The following RBM20 variants were observed in gnomAD, a reference collection of about 807,000 sequenced individuals.
RBM20 encodes RNA-binding protein 20.
RBM20 carries 51 observed loss-of-function variants against 110.1 expected under a neutral mutation model. The ratio of observed to expected loss-of-function variants is 0.46; its 90% confidence interval spans 0.37 to 0.59. The LOEUF (loss-of-function observed/expected upper bound fraction) is 0.59. Among genes scored for constraint, RBM20 ranks in the 20% least tolerant of loss-of-function variants. The pLI, the probability that RBM20 is intolerant of heterozygous loss-of-function variation, is 0.00. For missense variants in RBM20, 1,512 were observed against 1,574.9 expected (o/e 0.96, Z 0.68); for synonymous variants, 589 against 618.2 (o/e 0.95, Z 0.70).
intron 7 of RBM20, among the ~76,000 whole-genome samples, chr10:110,801,791 C>T (rs574997869): frequency 1.2e-4 from 18 of 151,286 alleles, no homozygotes; most frequent in South Asian, 4.2e-4. Flanking sequence ...ATGATCTGCC[C>T]GCCTCAGCCT....
At chr10:110,789,102 T>C (rs535239432) in intron 5 of RBM20, among the ~76,000 whole-genome samples, 21 of 152,354 alleles carry the variant, frequency 1.4e-4, no homozygotes, top group African/African-American at 4.8e-4. Flanking sequence ...AAACACTTTT[T>C]TTTGAGTAAA....
At chr10:110,806,538 T>C (rs1844697920) in intron 7 of RBM20, among the ~76,000 whole-genome samples, 1 of 152,066 alleles carries the variant, frequency 6.6e-6, no homozygotes, top group African/African-American at 2.4e-5. Flanking sequence ...TGCTAAACCA[T>C]TAAAAACCAC....
chr10:110,703,662 T>G (rs1422472830), intron 1 of RBM20, among the ~76,000 whole-genome samples: 2 of 152,224 alleles, frequency 1.3e-5, no homozygotes, highest in African/African-American at 4.8e-5. Context: ...AGGTTCATGT[T>G]TCCAGCACTA....
chr10:110,803,086 T>C (rs922772375), intron 7 of RBM20, among the ~76,000 whole-genome samples: 9 of 151,660 alleles, frequency 5.9e-5, no homozygotes, highest in Admixed American at 3.9e-4. Flanking sequence ...ATAACAATAA[T>C]GTATACCTTT....
rs1170862405 is a variant in RBM20, at chr10:110,767,116, A to AC, written c.192-13677dup. Among the ~76,000 whole-genome samples, 343 of 62,334 alleles carry AC rather than the reference A, an allele frequency of 5.5e-3. 12 individuals carry two copies. The highest frequency in any genetic ancestry group is 8.2e-3 in the African/African-American group (130 of 15,932). 40.9% of individuals were successfully genotyped at this position (62,334 alleles called of 152,430 possible). ...ACCTCCCTCCCGGACGGGGCGGCTG[A>AC]CCCCCCCCACCTCCCTCCCGGATGG... On this transcript the variant is annotated intron_variant, in intron 1 of 13. Transcript: ENST00000369519.
intron 1 of RBM20, among the ~76,000 whole-genome samples, chr10:110,667,009 G>A (rs1336246261): frequency 6.6e-6 from 1 of 152,130 alleles, no homozygotes; most frequent in African/African-American, 2.4e-5. Flanking sequence ...CCACCATCCT[G>A]GGCTTTGGAT....
intron 1 of RBM20, among the ~76,000 whole-genome samples, chr10:110,763,852 T>C (rs1291887489): frequency 6.6e-6 from 1 of 150,930 alleles, no homozygotes; most frequent in Non-Finnish European, 1.5e-5. Flanking sequence ...ACTATTGATA[T>C]CTTGGGCCAA....
chr10:110,707,292 A>T (rs1862856458), intron 1 of RBM20, among the ~76,000 whole-genome samples: 1 of 152,230 alleles, frequency 6.6e-6, no homozygotes, highest in African/African-American at 2.4e-5. Context: ...AATGGAGCTT[A>T]AGATTTTATT....
At chr10:110,715,632 A>T (rs79420259) in intron 1 of RBM20, among the ~76,000 whole-genome samples, 1 of 152,160 alleles carries the variant, frequency 6.6e-6, no homozygotes, top group African/African-American at 2.4e-5. Flanking sequence ...CAAATCCTAC[A>T]TGATTTGGTT....
chr10:110,810,334 G>A (rs1844748129), intron 7 of RBM20, 49 bp from the exon 8 acceptor site: 6 of 1,412,212 alleles, frequency 4.2e-6, no homozygotes, highest in South Asian at 3.7e-5. Context: ...TCCCTCAGGT[G>A]TTTGCAAGGC....
chr10:110,691,633 G>C (rs1322909724), intron 1 of RBM20, among the ~76,000 whole-genome samples: 1 of 152,008 alleles, frequency 6.6e-6, no homozygotes, highest in African/African-American at 2.4e-5. Context: ...ATTTTTTGTT[G>C]TTGTTGAACT....
In RBM20 at chr10:110,812,278, A is replaced by C; in HGVS notation, c.1881A>C (p.Arg627Ser). The C allele has an allele frequency of 6.5e-7, 1 of 1,541,684 alleles. No individual in the cohort carries two copies. The highest frequency in any genetic ancestry group is 8.8e-7 in the Non-Finnish European group (1 of 1,141,400). ...RERDMFREAD[R>S]YGPERPRSRS... is the part of the protein sequence containing the mutation. ...ATCCTGCTCCTTGGCTCCCTCACAG[A>C]TATGGCCCAGAAAGGCCGCGGTCTC... Residue 627 changes from arginine (R) to serine (S), a missense_variant and splice_region_variant, in exon 9 of 14, where the codon AGA becomes AGC. Around this residue, in one of 3 missense-constraint regions of RBM20, gnomAD observed 1,149 missense variants for 1,169.4 expected, o/e 0.98. Transcript: ENST00000369519.
intron 1 of RBM20, among the ~76,000 whole-genome samples, chr10:110,662,555 A>C (rs1051086940): frequency 2.0e-5 from 3 of 152,260 alleles, no homozygotes; most frequent in Admixed American, 1.3e-4. Flanking sequence ...AAAACATATC[A>C]CTTTTTGGTA....
chr10:110,667,759 A>T (rs951132569), intron 1 of RBM20, among the ~76,000 whole-genome samples: 1 of 152,124 alleles, frequency 6.6e-6, no homozygotes, highest in Admixed American at 6.5e-5. Context: ...ATCACCTGGG[A>T]AGTGTCTGGG....
chr10:110,644,089 C>G (rs964185557), upstream of RBM20, among the ~76,000 whole-genome samples: 1 of 152,200 alleles, frequency 6.6e-6, no homozygotes, highest in East Asian at 1.9e-4. This position sits in a 1 kb window ranked among gnomAD's most constrained non-coding sequence, Gnocchi z 4.3. Context: ...GGCTACGGAC[C>G]CTGAGGGTGC....
At chr10:110,650,369 A>G (rs907710852) in intron 1 of RBM20, among the ~76,000 whole-genome samples, 2 of 152,196 alleles carry the variant, frequency 1.3e-5, no homozygotes, top group African/African-American at 4.8e-5. Context: ...TGTAGGGGAG[A>G]TGGCACATAT....
chr10:110,711,657 C>T (rs1862931117), intron 1 of RBM20, among the ~76,000 whole-genome samples: 1 of 152,206 alleles, frequency 6.6e-6, no homozygotes, highest in African/African-American at 2.4e-5. Flanking sequence ...CGAAGGCATT[C>T]TATGTTTGTA....
At position 110,831,071 on chromosome 10, in the gene RBM20, C is replaced by T. The variant is rs371172286; in HGVS notation, c.3462C>T (p.Phe1154=). 9.7e-6 allele frequency: 15 copies of T among 1,550,668 alleles called. No individual in the cohort carries two copies. In the African/African-American group the frequency reaches 1.4e-4, roughly 14 times the overall value. The change falls in exon 13 of 14, where the codon TTC becomes TTT. Residue 1154 remains phenylalanine, a synonymous_variant. Transcript: ENST00000369519. ...CCCATCCTTTCCCAGGGGTGGAGTT[C>T]GTGGTTCCCAGGACTGGCTTTTATT... ...SELSIPLGVE[F]VVPRTGFYCK...
intron 1 of RBM20, among the ~76,000 whole-genome samples, chr10:110,715,713 T>C (rs1267453330): frequency 6.6e-6 from 1 of 152,236 alleles, no homozygotes; most frequent in Non-Finnish European, 1.5e-5. Context: ...CACCATCTTA[T>C]AGCTGAGCTA....
Sources: allele counts gnomAD v4.1 joint callset (sites outside exome capture counted in the v4.1 genomes callset), GRCh38; gene constraint gnomAD v4.1.1; regional missense constraint gnomAD v4.1.1; non-coding constraint Gnocchi (gnomAD v3.1); transcripts MANE v1.5; gene names NCBI Gene and HGNC (gene_info 2026-07-23, HGNC 2026-07-21).